The following EHMT1 variants were observed in gnomAD, a reference collection of about 807,000 sequenced individuals.
EHMT1 encodes histone-lysine N-methyltransferase EHMT1.
Under a neutral mutation model 147.2 loss-of-function variants are expected in EHMT1, and 15 were observed. The ratio of observed to expected loss-of-function variants is 0.10; its 90% CI spans 0.07 to 0.16. The LOEUF (loss-of-function observed/expected upper bound fraction) is 0.16, where lower values mean the gene tolerates loss of function less well. Ranked by LOEUF, EHMT1 falls within the 10% of genes least tolerant of loss-of-function variation. EHMT1 has a pLI of 1.00. For missense variants in EHMT1, 1,587 were observed against 1,772.4 expected (o/e 0.90, Z 1.88); for synonymous variants, 795 against 709.6 (o/e 1.12, Z -1.91).
rs1472522111 is a variant in EHMT1, at chr9:137,731,732, G to T, written c.823+3203G>T. 6.6e-6 allele frequency among the ~76,000 whole-genome samples: 1 copy of T among 152,138 alleles called. No homozygotes were observed. Among genetic ancestry groups the T allele is most frequent in the Non-Finnish European group, 1.5e-5 (1 of 68,024 alleles). On this transcript the variant is annotated intron_variant, in intron 4 of 26. Transcript: ENST00000460843. This position sits in a 1 kb window ranked among gnomAD's most constrained non-coding sequence, Gnocchi z 4.3. Reference sequence around the variant, plus strand: ...GCCCAGCAGGCTGTACTTGGCTCATGCTACCGGCCCAGATCCCACACCTTC... The same window carrying T: ...GCCCAGCAGGCTGTACTTGGCTCATTCTACCGGCCCAGATCCCACACCTTC...
chr9:137,640,234 C>T (rs1358042070), intron 1 of EHMT1, among the ~76,000 whole-genome samples: 1 of 152,108 alleles, frequency 6.6e-6, no homozygotes, highest in African/African-American at 2.4e-5. Flanking sequence ...CGTGCCTGGC[C>T]TGTAACCTTA....
At chr9:137,666,981 G>A (rs1175135139) in intron 1 of EHMT1, 1 of 152,244 alleles carries the variant, frequency 6.6e-6, no homozygotes, top group Non-Finnish European at 1.5e-5. Flanking sequence ...CGAACAAAAG[G>A]GTGGGGGATG....
At chr9:137,711,126 T>G in intron 2 of EHMT1, 96 bp downstream of exon 2, 1 of 1,327,792 alleles carries the variant, frequency 7.5e-7, no homozygotes. Flanking sequence ...GTCTTCTGAC[T>G]TTCTTTGCTT....
At chr9:137,753,301 C>T (rs113395299) in intron 7 of EHMT1, among the ~76,000 whole-genome samples, 4 of 152,094 alleles carry the variant, frequency 2.6e-5, no homozygotes, top group African/African-American at 7.2e-5. Flanking sequence ...ACACGGGGGC[C>T]GTGGTGTTCG....
At chr9:137,691,690 A>G (rs1430224550) in intron 1 of EHMT1, among the ~76,000 whole-genome samples, 1 of 152,186 alleles carries the variant, frequency 6.6e-6, no homozygotes, top group Non-Finnish European at 1.5e-5. Context: ...ACTGTTTCCC[A>G]TAGCAACCGC....
At chr9:137,748,787 G>A (rs755817206) in intron 6 of EHMT1, among the ~76,000 whole-genome samples, 2 of 152,106 alleles carry the variant, frequency 1.3e-5, no homozygotes, top group Non-Finnish European at 2.9e-5. Context: ...TTATCTACTG[G>A]GCTGTTTGTC....
chr9:137,761,506 T>G (rs995799451), intron 9 of EHMT1, among the ~76,000 whole-genome samples: 2 of 152,164 alleles, frequency 1.3e-5, no homozygotes, highest in Non-Finnish European at 2.9e-5. Context: ...CAGACTGGAG[T>G]GCAGTGGCAC....
At chr9:137,758,723 C>T (rs1197286331) in intron 9 of EHMT1, among the ~76,000 whole-genome samples, 1 of 152,130 alleles carries the variant, frequency 6.6e-6, no homozygotes, top group African/African-American at 2.4e-5. Context: ...CTTAATGGGC[C>T]ATTTAAAAAT....
intron 1 of EHMT1, among the ~76,000 whole-genome samples, chr9:137,668,937 A>G (rs1940052519): frequency 6.6e-6 from 1 of 152,132 alleles, no homozygotes; most frequent in African/African-American, 2.4e-5. Flanking sequence ...CCCAGGCTGG[A>G]GTGCAGTGGC....
chr9:137,796,988 A>T (rs1205659771), intron 16 of EHMT1, among the ~76,000 whole-genome samples: 3 of 152,188 alleles, frequency 2.0e-5, no homozygotes, highest in Non-Finnish European at 2.9e-5. Context: ...ATGTGTCTGC[A>T]GGTGATATAC....
intron 3 of EHMT1, among the ~76,000 whole-genome samples, chr9:137,718,060 T>G (rs555768734): frequency 6.7e-6 from 1 of 148,672 alleles, no homozygotes; most frequent in Admixed American, 6.7e-5. Context: ...CGCCCACCCC[T>G]CACGCACTGT....
intron 1 of EHMT1, among the ~76,000 whole-genome samples, chr9:137,704,383 C>T (rs924910282): frequency 3.2e-4 from 48 of 152,230 alleles, no homozygotes; most frequent in African/African-American, 1.1e-3. Flanking sequence ...GGACCAAGAC[C>T]GGAGGCTTGT....
At chr9:137,771,067 C>G (rs1950552830) in intron 10 of EHMT1, among the ~76,000 whole-genome samples, 1 of 151,866 alleles carries the variant, frequency 6.6e-6, no homozygotes, top group Admixed American at 6.6e-5. Context: ...GGTGCATAAC[C>G]TTTAGTTCTT....
intron 1 of EHMT1, among the ~76,000 whole-genome samples, chr9:137,677,470 T>G (rs918670215): frequency 3.3e-5 from 5 of 151,914 alleles, no homozygotes; most frequent in Non-Finnish European, 7.4e-5. Flanking sequence ...TTCTTTGAGA[T>G]GGAGTCTCCC....
chr9:137,644,858 C>CTATT (rs568034610), intron 1 of EHMT1, among the ~76,000 whole-genome samples: 198 of 151,842 alleles, frequency 1.3e-3, no homozygotes, highest in African/African-American at 2.0e-3. Flanking sequence ...GGTTAGGGCT[C>CTATT]TATTTATTTA....
At chr9:137,714,420 T>C (rs1416713320) in intron 2 of EHMT1, among the ~76,000 whole-genome samples, 1 of 152,180 alleles carries the variant, frequency 6.6e-6, no homozygotes, top group Non-Finnish European at 1.5e-5. Flanking sequence ...CTATTGATAT[T>C]TGGCATATTA....
At chr9:137,809,317 G>C (rs1292965068) in intron 18 of EHMT1, among the ~76,000 whole-genome samples, 1 of 152,222 alleles carries the variant, frequency 6.6e-6, no homozygotes, top group African/African-American at 2.4e-5. Context: ...GGGGGACTGC[G>C]TGAGAGCACA....
At chr9:137,817,281 A>G (rs1954994743) in intron 23 of EHMT1, 158 bp from the exon 24 acceptor site, 2 of 797,108 alleles carry the variant, frequency 2.5e-6, no homozygotes, top group African/African-American at 1.7e-5. Flanking sequence ...AGAGTGCGAG[A>G]TGCCGTGTCT....
chr9:137,744,949 C>T (rs1948423463), intron 6 of EHMT1, among the ~76,000 whole-genome samples: 1 of 152,214 alleles, frequency 6.6e-6, no homozygotes, highest in South Asian at 2.1e-4. Context: ...CATGCTTTTT[C>T]AGTTCTGAGG....
Sources: gnomAD v4.1 joint callset for allele counts (sites outside exome capture counted in the v4.1 genomes callset) on GRCh38, gnomAD v4.1.1 for gene constraint, Gnocchi (gnomAD v3.1) non-coding constraint, MANE v1.5 for transcripts, NCBI Gene and HGNC (gene_info 2026-07-23, HGNC 2026-07-21) for gene names.